CPVL: variants seen among roughly 807,000 people sequenced by gnomAD.
CPVL encodes the protein carboxypeptidase vitellogenic like.
Under a neutral mutation model 63.7 loss-of-function variants are expected in CPVL, and 51 were observed. That is an observed-to-expected ratio of 0.80 (90% CI 0.64 to 1.01). CPVL has a LOEUF of 1.01. Among genes scored for constraint, CPVL ranks in the 50% least tolerant of loss-of-function variants. CPVL has a pLI of 0.00. For missense variants in CPVL, 530 were observed against 573.1 expected (o/e 0.92, Z 0.77); for synonymous variants, 195 against 206.0 (o/e 0.95, Z 0.46).
At chr7:29,115,328 T>C (rs6959504) in intron 2 of CPVL, among the ~76,000 whole-genome samples, 52,689 of 151,728 alleles carry the variant, frequency 0.35, 9,800 homozygotes, top group African/African-American at 0.5. Flanking sequence ...GCAACCTCTG[T>C]TGGTCTTCAC....
intron 1 of CPVL, among the ~76,000 whole-genome samples, chr7:29,128,603 C>T (rs1199325473): frequency 1.3e-5 from 2 of 151,314 alleles, no homozygotes; most frequent in African/African-American, 4.9e-5. Context: ...GTAATCCCAG[C>T]TACTCATGAG....
At chr7:29,046,247 G>A (rs1789600465) in intron 11 of CPVL, among the ~76,000 whole-genome samples, 1 of 151,890 alleles carries the variant, frequency 6.6e-6, no homozygotes, top group Admixed American at 6.6e-5. Context: ...ACCACACCCG[G>A]CTAATTTTTT....
chr7:29,111,953 T>C (rs1788276826), intron 3 of CPVL, among the ~76,000 whole-genome samples: 1 of 152,244 alleles, frequency 6.6e-6, no homozygotes, highest in African/African-American at 2.4e-5. Flanking sequence ...TAAGATTTGC[T>C]TCTCAGCGCT....
chr7:29,112,936 C>T (rs1413175450), intron 2 of CPVL, 114 bp from the exon 3 acceptor site: 2 of 717,658 alleles, frequency 2.8e-6, no homozygotes, highest in African/African-American at 1.8e-5. Context: ...TAAAAGGGAA[C>T]TGGTATGACA....
At chr7:29,148,159 C>T (rs1793035925), upstream of CPVL, among the ~76,000 whole-genome samples, 1 of 152,184 alleles carries the variant, frequency 6.6e-6, no homozygotes, top group Admixed American at 6.5e-5. Flanking sequence ...TTGAAGCAGG[C>T]TCAGTGCCAT....
intron 5 of CPVL, among the ~76,000 whole-genome samples, chr7:29,155,025 C>A (rs1302694121): frequency 6.6e-6 from 1 of 152,128 alleles, no homozygotes; most frequent in Non-Finnish European, 1.5e-5. Flanking sequence ...TGCAGGGAAA[C>A]TCCCCTCTTT....
chr7:29,043,187 TCTC>T (rs549100621), intron 11 of CPVL, among the ~76,000 whole-genome samples: 149 of 151,512 alleles, frequency 9.8e-4, no homozygotes, highest in African/African-American at 3.2e-3. Context: ...ACCAGGTTGA[TCTC>T]CTCATAAAAG....
intron 1 of CPVL, among the ~76,000 whole-genome samples, chr7:29,140,114 A>G (rs961564200): frequency 6.6e-6 from 1 of 152,080 alleles, no homozygotes. Flanking sequence ...CTCCCTCAGC[A>G]CTAAACAATC....
In CPVL at chr7:29,103,411, A is replaced by ATTTTTTTTTTTTTTT. The variant is rs551627609; in HGVS notation, c.289-7209_289-7195dup. ...GAGGTGTGCACCACCATGCTCAGCT[A>ATTTTTTTTTTTTTTT]TTTTTTTTTTTTTTTGTATTTTTAG... On this transcript the variant is annotated intron_variant, in intron 3 of 12. Coordinates refer to ENST00000265394, the MANE Select transcript of CPVL (RefSeq NM_031311.5). Among the ~76,000 whole-genome samples, 169 of 134,610 alleles carry ATTTTTTTTTTTTTTT rather than the reference A, an allele frequency of 1.3e-3. 3 individuals carry two copies. Among genetic ancestry groups the ATTTTTTTTTTTTTTT allele is most frequent in the East Asian group, 3.8e-3 (17 of 4,510 alleles). 88.3% of individuals were successfully genotyped at this position (134,610 alleles called of 152,430 possible). A position where few individuals can be genotyped will look rare whatever the true frequency, so the allele number is the denominator to read the frequency against.
intron 1 of CPVL, 100 bp from the exon 2 acceptor site, chr7:29,121,171 T>C: frequency 2.5e-6 from 3 of 1,204,146 alleles, no homozygotes; most frequent in Non-Finnish European, 3.4e-6. Flanking sequence ...AAAAAAATAT[T>C]GTGTGTAAAG....
At chr7:29,167,726 C>A (rs1392767225) in intron 5 of CPVL, among the ~76,000 whole-genome samples, 1 of 152,174 alleles carries the variant, frequency 6.6e-6, no homozygotes. Context: ...AAACTGGCAT[C>A]TGTGAAAGTC....
rs533902836 is a variant in CPVL, at chr7:29,091,956, T to A, written c.542+667A>T. Reference sequence around the variant, plus strand: ...GTTAACTCCTTCTGGCCACTAGGGTTCTTTTAGTAAATTATTATAATACAT... The same window carrying A: ...GTTAACTCCTTCTGGCCACTAGGGTACTTTTAGTAAATTATTATAATACAT... On this transcript the variant is annotated intron_variant, in intron 6 of 12. Coordinates refer to ENST00000265394, the MANE Select transcript of CPVL (RefSeq NM_031311.5). Among the ~76,000 whole-genome samples, 19 of 152,294 alleles carry A rather than the reference T, an allele frequency of 1.2e-4. No homozygotes were observed. The East Asian group carries it at 3.7e-3, about 29-fold the overall frequency.
At chr7:29,051,311 G>A (rs1407568770) in intron 11 of CPVL, among the ~76,000 whole-genome samples, 3 of 152,046 alleles carry the variant, frequency 2.0e-5, no homozygotes, top group African/African-American at 4.8e-5. Context: ...AGAGTAAACA[G>A]ACAACCCACA....
At chr7:29,023,010 T>C (rs1033084361) in intron 12 of CPVL, among the ~76,000 whole-genome samples, 2 of 152,244 alleles carry the variant, frequency 1.3e-5, no homozygotes, top group Non-Finnish European at 2.9e-5. Context: ...ATGTACCACC[T>C]TGGGGCTGGG....
chr7:29,041,126 A>ATTTTTTTT (rs1191228187), intron 11 of CPVL, among the ~76,000 whole-genome samples: 37 of 104,910 alleles, frequency 3.5e-4, no homozygotes, highest in Non-Finnish European at 4.2e-4. Flanking sequence ...CAATAACTGG[A>ATTTTTTTT]TTTTTTTTTT....
chr7:29,036,304 C>T (rs371906329), intron 11 of CPVL, among the ~76,000 whole-genome samples: 55 of 152,304 alleles, frequency 3.6e-4, no homozygotes, highest in African/African-American at 1.2e-3. Flanking sequence ...AGACCATGTA[C>T]ACAAAGTTCC....
intron 5 of CPVL, 78 bp from the exon 6 acceptor site, chr7:29,092,780 G>A: frequency 9.8e-7 from 1 of 1,016,828 alleles, no homozygotes; most frequent in Non-Finnish European, 1.5e-6. Context: ...TCCCACACTG[G>A]AAGGTGACCT....
intron 5 of CPVL, among the ~76,000 whole-genome samples, chr7:29,170,323 AAC>A (rs1193128500): frequency 6.6e-6 from 1 of 152,186 alleles, no homozygotes. Flanking sequence ...TGAATCTTCA[AAC>A]ACAAGATTTT....
Position 29,064,556 on chromosome 7 carries a change from CAA to C in CPVL, c.964-324_964-323del, listed in dbSNP as rs1031947709. Among the ~76,000 whole-genome samples, 24 of 152,208 alleles carry C rather than the reference CAA, an allele frequency of 1.6e-4. 1 individual carries two copies. Among genetic ancestry groups the C allele is most frequent in the Admixed American group, 1.4e-3 (21 of 15,286 alleles). ...CCACTAGAGGCAAAGAGAGAGAAAA[CAA>C]AAGAGATGAGATTATCAAAATCAAT... On this transcript the variant is annotated intron_variant, in intron 10 of 12. Coordinates refer to ENST00000265394, the MANE Select transcript of CPVL (RefSeq NM_031311.5).
Sources: gnomAD v4.1 joint callset for allele counts (sites outside exome capture counted in the v4.1 genomes callset) on GRCh38, gnomAD v4.1.1 for gene constraint, MANE v1.5 for transcripts, NCBI Gene and HGNC (gene_info 2026-07-23, HGNC 2026-07-21) for gene names.